ARHGAP15: variants seen among roughly 807,000 people sequenced by gnomAD.
The protein encoded by ARHGAP15 is Rho GTPase activating protein 15.
A neutral mutation model predicts 63.7 loss-of-function variants in ARHGAP15; 51 were observed. The ratio of observed to expected loss-of-function variants is 0.80; its 90% confidence interval spans 0.64 to 1.01. The LOEUF (loss-of-function observed/expected upper bound fraction) is 1.01. Among genes scored for constraint, ARHGAP15 ranks in the 50% least tolerant of loss-of-function variants. ARHGAP15 has a pLI of 0.00. For synonymous variants in ARHGAP15, 191 were observed against 193.8 expected, an observed-to-expected ratio of 0.99 and a Z score of 0.12; for missense variants, 560 against 564.6, an observed-to-expected ratio of 0.99 and a Z score of 0.08.
At chr2:143,508,832 A>G (rs1049067880) in intron 9 of ARHGAP15, among the ~76,000 whole-genome samples, 3 of 152,170 alleles carry the variant, frequency 2.0e-5, no homozygotes, top group Non-Finnish European at 4.4e-5. Context: ...AATTAGATTG[A>G]CATCTATTTC....
At chr2:143,650,745 C>G (rs1038812591) in intron 12 of ARHGAP15, among the ~76,000 whole-genome samples, 1 of 151,834 alleles carries the variant, frequency 6.6e-6, no homozygotes, top group Non-Finnish European at 1.5e-5. Context: ...AAATTAAATT[C>G]TTGGTTTAAT....
intron 6 of ARHGAP15, among the ~76,000 whole-genome samples, chr2:143,378,700 C>T (rs947029940): frequency 4.6e-5 from 7 of 152,032 alleles, no homozygotes; most frequent in African/African-American, 1.4e-4. Flanking sequence ...TTATCTCCTT[C>T]CCCCTCCACT....
intron 10 of ARHGAP15, among the ~76,000 whole-genome samples, chr2:143,524,748 CCTA>C (rs1374271460): frequency 6.6e-6 from 1 of 152,162 alleles, no homozygotes; most frequent in East Asian, 1.9e-4. Flanking sequence ...TGGCTGGACA[CCTA>C]CTCAACTCAG....
At chr2:143,268,445 T>C (rs549338094) in intron 6 of ARHGAP15, among the ~76,000 whole-genome samples, 1 of 152,256 alleles carries the variant, frequency 6.6e-6, no homozygotes, top group African/African-American at 2.4e-5. Flanking sequence ...ATGAGTCTTA[T>C]GTTAGAAAAG....
chr2:143,765,025 G>A (rs1686898700), intron 13 of ARHGAP15, among the ~76,000 whole-genome samples: 1 of 151,872 alleles, frequency 6.6e-6, no homozygotes. Context: ...TGCTACCAAT[G>A]GGTAAAGTTA....
At chr2:143,273,313 A>G (rs961271213) in intron 6 of ARHGAP15, among the ~76,000 whole-genome samples, 2 of 152,186 alleles carry the variant, frequency 1.3e-5, no homozygotes, top group African/African-American at 4.8e-5. Context: ...GAACTAATAC[A>G]TATTTTTGAA....
intron 10 of ARHGAP15, among the ~76,000 whole-genome samples, chr2:143,539,897 T>A (rs940054153): frequency 6.6e-6 from 1 of 152,094 alleles, no homozygotes; most frequent in Admixed American, 6.6e-5. Flanking sequence ...CTATTAGGTC[T>A]GCTTGGTGCA....
intron 10 of ARHGAP15, among the ~76,000 whole-genome samples, chr2:143,523,318 A>C (rs1307200566): frequency 2.0e-5 from 3 of 152,158 alleles, no homozygotes; most frequent in Admixed American, 2.0e-4. Context: ...AAGAACCATA[A>C]CAATAATAAA....
chr2:143,226,847 T>G (rs1320587671), intron 4 of ARHGAP15, among the ~76,000 whole-genome samples: 1 of 152,238 alleles, frequency 6.6e-6, no homozygotes, highest in Non-Finnish European at 1.5e-5. Context: ...GCTCCAGGCA[T>G]ATAAGAGCAA....
intron 6 of ARHGAP15, among the ~76,000 whole-genome samples, chr2:143,377,657 A>G (rs1686876126): frequency 6.6e-6 from 1 of 152,062 alleles, no homozygotes; most frequent in Non-Finnish European, 1.5e-5. Context: ...AATGTAATAC[A>G]ACAAATACAG....
chr2:143,392,026 C>CA lies in ARHGAP15; in HGVS notation c.475-43567dup, dbSNP rs199742100. Among the ~76,000 whole-genome samples, 1,089 of 150,508 alleles carry CA rather than the reference C, an allele frequency of 7.2e-3. 7 individuals carry two copies. The highest frequency in any genetic ancestry group is 0.014 in the Middle Eastern group (4 of 292). The stretch of plus-strand genomic sequence containing the variant: ...GAAATTAGAGGTCCACTGGCTTTGA[C>CA]AAAAAAAACAAAAAAAGGTGACAGG... On this transcript the variant is annotated intron_variant, in intron 6 of 13. Coordinates refer to ENST00000295095, the MANE Select transcript of ARHGAP15 (RefSeq NM_018460.4).
intron 12 of ARHGAP15, among the ~76,000 whole-genome samples, chr2:143,655,270 C>T (rs12691688): frequency 0.25 from 37,645 of 151,882 alleles, 5,823 homozygotes; most frequent in Admixed American, 0.36. Context: ...CCCCCTCCCA[C>T]TCTTCCCCCC....
At chr2:143,218,151 C>T (rs1010780387) in intron 4 of ARHGAP15, among the ~76,000 whole-genome samples, 7 of 152,018 alleles carry the variant, frequency 4.6e-5, no homozygotes, top group African/African-American at 1.7e-4. Flanking sequence ...CTGTTACTTT[C>T]CTGTTTTCCG....
chr2:143,505,434 T>G (rs1338512668), intron 9 of ARHGAP15, among the ~76,000 whole-genome samples: 2 of 152,220 alleles, frequency 1.3e-5, no homozygotes, highest in East Asian at 3.8e-4. Flanking sequence ...TGTTGTTGCA[T>G]TGTCACTTTC....
chr2:143,187,486 T>C (rs1210483590), intron 2 of ARHGAP15, among the ~76,000 whole-genome samples: 1 of 152,208 alleles, frequency 6.6e-6, no homozygotes, highest in African/African-American at 2.4e-5. Context: ...TGAGCACTTA[T>C]TTCACACTGC....
chr2:143,437,220 T>G, intron 8 of ARHGAP15, 178 bp downstream of exon 8: 2 of 602,188 alleles, frequency 3.3e-6, no homozygotes, highest in Non-Finnish European at 5.6e-6. Context: ...CTCACATCAT[T>G]GTTGGTAATG....
At chr2:143,419,785 T>A (rs976394652) in intron 6 of ARHGAP15, among the ~76,000 whole-genome samples, 3 of 152,144 alleles carry the variant, frequency 2.0e-5, no homozygotes, top group African/African-American at 7.2e-5. Flanking sequence ...ACATTTCTGG[T>A]TTTGCATATT....
chr2:143,735,350 C>T (rs559241329), intron 13 of ARHGAP15, among the ~76,000 whole-genome samples: 1 of 152,244 alleles, frequency 6.6e-6, no homozygotes, highest in African/African-American at 2.4e-5. Flanking sequence ...TCAGACGTGA[C>T]TTTGGGCGTG....
intron 6 of ARHGAP15, among the ~76,000 whole-genome samples, chr2:143,419,314 C>T (rs777320590): frequency 4.4e-4 from 67 of 152,238 alleles, no homozygotes; most frequent in Non-Finnish European, 9.4e-4. Flanking sequence ...TTGGAACAAA[C>T]TTTCTAGAAA....
Sources: allele counts gnomAD v4.1 joint callset (sites outside exome capture counted in the v4.1 genomes callset), GRCh38; gene constraint gnomAD v4.1.1; transcripts MANE v1.5; gene names NCBI Gene and HGNC (gene_info 2026-07-23, HGNC 2026-07-21).